The following WDFY4 variants were observed in gnomAD, a reference collection of about 807,000 sequenced individuals.
WDFY4 encodes the protein WD repeat- and FYVE domain-containing protein 4.
A neutral mutation model predicts 351.9 loss-of-function variants in WDFY4; 169 were observed. The observed-to-expected ratio is 0.48, with a 90% CI of 0.42 to 0.55. WDFY4 has a LOEUF of 0.55. WDFY4 is among the 20% of genes least tolerant of loss of function. The pLI, the probability that WDFY4 is intolerant of heterozygous loss-of-function variation, is 0.00. For synonymous variants in WDFY4, 1,622 were observed against 1,574.6 expected (o/e 1.03, Z -0.71); for missense variants, 3,803 against 3,935.6 (o/e 0.97, Z 0.90).
chr10:48,897,205 C>T (rs1837123789), intron 44 of WDFY4, among the ~76,000 whole-genome samples: 1 of 152,206 alleles, frequency 6.6e-6, no homozygotes, highest in South Asian at 2.1e-4. Context: ...GGCACCCCAC[C>T]CTGTTCCTCC....
At chr10:48,723,134 C>T (rs1265220088) in intron 4 of WDFY4, among the ~76,000 whole-genome samples, 1 of 151,770 alleles carries the variant, frequency 6.6e-6, no homozygotes, top group African/African-American at 2.4e-5. Flanking sequence ...TCCCCTTTTC[C>T]CTCCTTTCCA....
chr10:48,927,140 T>C (rs1368473052), intron 47 of WDFY4, among the ~76,000 whole-genome samples: 1 of 152,202 alleles, frequency 6.6e-6, no homozygotes, highest in Non-Finnish European at 1.5e-5. Context: ...GTGAGCTCAC[T>C]TGAAAGTCTA....
intron 47 of WDFY4, among the ~76,000 whole-genome samples, chr10:48,919,902 A>G (rs1018963837): frequency 6.6e-6 from 1 of 152,166 alleles, no homozygotes; most frequent in Non-Finnish European, 1.5e-5. Flanking sequence ...TTCTCAACGT[A>G]TTTTCTGATG....
chr10:48,833,877 A>T (rs2068285054), intron 39 of WDFY4, among the ~76,000 whole-genome samples: 1 of 152,218 alleles, frequency 6.6e-6, no homozygotes, highest in African/African-American at 2.4e-5. Context: ...CTCTTGGCCC[A>T]TGAACTTCGG....
At chr10:48,712,593 G>T (rs1026232328) in intron 2 of WDFY4, among the ~76,000 whole-genome samples, 1 of 152,236 alleles carries the variant, frequency 6.6e-6, no homozygotes, top group African/African-American at 2.4e-5. Flanking sequence ...GAGCCAGAGT[G>T]CTCAGCCTTC....
chr10:48,826,256 A>G (rs2068005704), intron 35 of WDFY4, among the ~76,000 whole-genome samples: 1 of 152,210 alleles, frequency 6.6e-6, no homozygotes, highest in East Asian at 1.9e-4. Context: ...GTCGAAGATC[A>G]GATGGTTGTA....
intron 44 of WDFY4, among the ~76,000 whole-genome samples, chr10:48,892,369 C>T (rs1269289760): frequency 2.6e-5 from 4 of 152,208 alleles, no homozygotes; most frequent in African/African-American, 9.7e-5. Context: ...TTTGCAATGA[C>T]AGACAAGGGA....
intron 44 of WDFY4, among the ~76,000 whole-genome samples, chr10:48,895,240 C>T (rs1317527949): frequency 6.6e-6 from 1 of 152,224 alleles, no homozygotes; most frequent in Non-Finnish European, 1.5e-5. Context: ...AGAGAATTCC[C>T]TCTGGGTCTG....
At chr10:48,753,292 A>G (rs1321171606) in intron 12 of WDFY4, among the ~76,000 whole-genome samples, 2 of 152,158 alleles carry the variant, frequency 1.3e-5, no homozygotes, top group Non-Finnish European at 2.9e-5. Flanking sequence ...TATGATTTGC[A>G]AATATTTTCT....
At chr10:48,982,358 C>CCCACTGCCT in intron 61 of WDFY4, 151 bp from the exon 62 acceptor site, 1 of 574,028 alleles carries the variant, frequency 1.7e-6, no homozygotes, top group Non-Finnish European at 2.9e-6. Context: ...CTCCATTCCT[C>CCCACTGCCT]CCACTGCCTC....
chr10:48,775,902 C>A, intron 15 of WDFY4, 96 bp downstream of exon 15: 1 of 1,138,574 alleles, frequency 8.8e-7, no homozygotes, highest in South Asian at 1.4e-5. Context: ...GGAAAGCAAA[C>A]AGGTTTAAAC....
At chr10:48,691,169 T>C (rs1007759866) in intron 1 of WDFY4, among the ~76,000 whole-genome samples, 2 of 152,106 alleles carry the variant, frequency 1.3e-5, no homozygotes, top group African/African-American at 2.4e-5. Context: ...GCTCCCCCTG[T>C]TGCCAAGGCT....
intron 12 of WDFY4, among the ~76,000 whole-genome samples, chr10:48,747,932 C>T (rs2065062899): frequency 6.6e-6 from 1 of 152,174 alleles, no homozygotes; most frequent in South Asian, 2.1e-4. Flanking sequence ...GCCATTCTGC[C>T]CTTCTGTAGG....
chr10:48,729,086 C>T (rs1383488011), intron 7 of WDFY4, among the ~76,000 whole-genome samples: 1 of 152,252 alleles, frequency 6.6e-6, no homozygotes, highest in Non-Finnish European at 1.5e-5. Context: ...CATTTTGTTG[C>T]AATGTTGAAC....
chr10:48,978,288 A>G, intron 59 of WDFY4, 21 bp from the exon 60 acceptor site: 1 of 1,549,618 alleles, frequency 6.5e-7, no homozygotes, highest in South Asian at 1.2e-5. Flanking sequence ...CCCGCCGATG[A>G]CATTTGCTCT....
At chr10:48,786,600 A>C in intron 19 of WDFY4, 39 bp from the exon 20 acceptor site, 1 of 1,469,798 alleles carries the variant, frequency 6.8e-7, no homozygotes, top group Non-Finnish European at 9.2e-7. Flanking sequence ...TAACTCTGAG[A>C]TCAAACACTA....
chr10:48,696,400 A>G (rs2063331154), intron 1 of WDFY4, among the ~76,000 whole-genome samples: 1 of 152,278 alleles, frequency 6.6e-6, no homozygotes, highest in Non-Finnish European at 1.5e-5. Context: ...CTGATGTGGC[A>G]TTCCCCCAAC....
At chr10:48,865,124 C>T (rs1469189650) in intron 39 of WDFY4, among the ~76,000 whole-genome samples, 1 of 152,102 alleles carries the variant, frequency 6.6e-6, no homozygotes, top group African/African-American at 2.4e-5. Context: ...AAGTGGACAT[C>T]CTTGTCTTGT....
chr10:48,897,025 C>A (rs1239955219), intron 44 of WDFY4, among the ~76,000 whole-genome samples: 1 of 152,138 alleles, frequency 6.6e-6, no homozygotes, highest in Admixed American at 6.5e-5. Flanking sequence ...GCCACAGGAA[C>A]CCACGAGGGC....
Sources: allele counts gnomAD v4.1 joint callset (sites outside exome capture counted in the v4.1 genomes callset), GRCh38; gene constraint gnomAD v4.1.1; transcripts MANE v1.5; gene names NCBI Gene and HGNC (gene_info 2026-07-23, HGNC 2026-07-21).